The following KLF15 variants were observed in gnomAD, a reference collection of about 807,000 sequenced individuals.
KLF15 encodes the protein Krueppel-like factor 15.
A neutral mutation model predicts 24.6 loss-of-function variants in KLF15; 4 were observed. That is an observed-to-expected ratio of 0.16 (90% CI 0.08 to 0.37). KLF15 has a LOEUF of 0.37. KLF15 is among the 10% of genes least tolerant of loss of function. The probability of loss-of-function intolerance (pLI) is 1.00; values close to 1 mark genes in which losing one functional copy is unlikely to be tolerated. For synonymous variants in KLF15, 246 were observed against 236.3 expected (o/e 1.04, Z -0.37); for missense variants, 496 against 560.6 (o/e 0.88, Z 1.16).
chr3:126,299,219 TA>T, the KLF15 span, among the ~76,000 whole-genome samples: 1 of 152,012 alleles, frequency 6.6e-6, no homozygotes, highest in Non-Finnish European at 1.5e-5. Flanking sequence ...TGTATGTATG[TA>T]TGTATGTATG....
chr3:126,337,603 G>A, the KLF15 span, among the ~76,000 whole-genome samples: 1 of 151,952 alleles, frequency 6.6e-6, no homozygotes, highest in Non-Finnish European at 1.5e-5. Flanking sequence ...TGGGAAGAGT[G>A]CTGTATTCGT....
At position 126,343,793 on chromosome 3, in the gene KLF15, G is replaced by A. The variant is rs1241087025; in HGVS notation, c.1185C>T (p.His395=). The A allele has an allele frequency of 1.2e-6, 2 of 1,612,048 alleles. No individual in the cohort carries two copies. Among genetic ancestry groups the A allele is most frequent in the South Asian group, 1.1e-5 (1 of 91,014 alleles). ...GGTGCACCTTGATGTGCTTGGAGAG[G>A]TGGTCGCTCCGCGCGAACTTCTTCT... The part of the protein sequence containing the change: ...VCEKKFARSD[H]LSKHIKVHRF... Residue 395 remains histidine, a synonymous_variant, in exon 3 of 3, where the codon CAC becomes CAT. Coordinates refer to ENST00000296233, the MANE Select transcript of KLF15 (RefSeq NM_014079.4).
At chr3:126,316,947 C>T in the KLF15 span, among the ~76,000 whole-genome samples, 1 of 152,158 alleles carries the variant, frequency 6.6e-6, no homozygotes, top group South Asian at 2.1e-4. Context: ...AGATGGAGAC[C>T]TTTGCAAGCT....
rs991981201 is a variant in KLF15, at chr3:126,348,634, T to C, written c.1082+3207A>G. On this transcript the variant is annotated intron_variant, in intron 2 of 2. Coordinates refer to ENST00000296233, the MANE Select transcript of KLF15 (RefSeq NM_014079.4). ...AGGCAGTTACAAGGACCTGATGAGC[T>C]AATGCGAAAACCTTAAGCTGTCACT... 3.9e-5 allele frequency among the ~76,000 whole-genome samples: 6 copies of C among 152,342 alleles called. No homozygotes were observed. The East Asian group carries it at 1.2e-3, about 29-fold the overall frequency.
chr3:126,321,616 C>G, the KLF15 span, among the ~76,000 whole-genome samples: 4 of 152,240 alleles, frequency 2.6e-5, no homozygotes, highest in African/African-American at 2.4e-5. Flanking sequence ...ATGGACAGAA[C>G]CCTGGAGGCC....
the KLF15 span, among the ~76,000 whole-genome samples, chr3:126,322,569 C>T: frequency 1.3e-5 from 2 of 152,238 alleles, no homozygotes; most frequent in South Asian, 2.1e-4. Flanking sequence ...TTAATCACAT[C>T]CACGAAGGAA....
the KLF15 span, among the ~76,000 whole-genome samples, chr3:126,292,245 TGGGAAGA>T: frequency 6.6e-6 from 1 of 152,038 alleles, no homozygotes; most frequent in Non-Finnish European, 1.5e-5. Flanking sequence ...CATTAACAGG[TGGGAAGA>T]GTTCCACCAC....
At chr3:126,304,087 A>G in the KLF15 span, among the ~76,000 whole-genome samples, 1 of 152,168 alleles carries the variant, frequency 6.6e-6, no homozygotes, top group African/African-American at 2.4e-5. Context: ...AGTAACGGTC[A>G]TATTTTTCTG....
downstream of KLF15, among the ~76,000 whole-genome samples, chr3:126,342,219 G>A (rs1421434125): frequency 1.3e-5 from 2 of 152,222 alleles, no homozygotes; most frequent in Non-Finnish European, 2.9e-5. Context: ...TCCTAAGGGG[G>A]TAAATACTCT....
downstream of KLF15, among the ~76,000 whole-genome samples, chr3:126,339,719 A>G (rs531769025): frequency 6.6e-6 from 1 of 152,106 alleles, no homozygotes; most frequent in African/African-American, 2.4e-5. Context: ...CACAAGGAAA[A>G]TGACAATTTT....
chr3:126,320,973 A>T, the KLF15 span, among the ~76,000 whole-genome samples: 3 of 152,074 alleles, frequency 2.0e-5, no homozygotes, highest in East Asian at 5.8e-4. Context: ...TCAGTCCCGG[A>T]AAGGTGGCAG....
At chr3:126,350,286 C>T (rs2082572595) in intron 2 of KLF15, among the ~76,000 whole-genome samples, 1 of 152,224 alleles carries the variant, frequency 6.6e-6, no homozygotes, top group African/African-American at 2.4e-5. Context: ...CTCGGCAGGC[C>T]TAGGTACAAA....
chr3:126,336,319 T>C, the KLF15 span, among the ~76,000 whole-genome samples: 2 of 120,380 alleles, frequency 1.7e-5, no homozygotes, highest in Non-Finnish European at 1.7e-5. Context: ...AAACAAGCAA[T>C]GGGGAAAGGA....
chr3:126,339,794 C>A (rs13077029), downstream of KLF15, among the ~76,000 whole-genome samples: 16,033 of 152,234 alleles, frequency 0.11, 877 homozygotes, highest in Middle Eastern at 0.17. Context: ...CTCTCACGGC[C>A]CCACATAGAC....
rs1033970636 is a variant in KLF15 at position 126,343,359 on chromosome 3, G to C, written c.*368C>G. 1 of 263,994 alleles carries C rather than the reference G, an allele frequency of 3.8e-6. No homozygotes were observed. The highest frequency in any genetic ancestry group is 2.3e-5 in the African/African-American group (1 of 43,574). The allele number at this position is 263,994 out of a possible 1,614,324, so 16.4% of individuals were successfully genotyped here. A position where few individuals can be genotyped will look rare whatever the true frequency, so the allele number is the denominator to read the frequency against. On this transcript the variant is annotated 3_prime_UTR_variant, in exon 3 of 3. Coordinates refer to ENST00000296233, the MANE Select transcript of KLF15 (RefSeq NM_014079.4). Reference sequence around the variant, plus strand: ...CATTTCATCTTCCCCTAGCACTAAAGTTCTGGCCTTGGCCCAGGATGGGGG... The same window carrying C: ...CATTTCATCTTCCCCTAGCACTAAACTTCTGGCCTTGGCCCAGGATGGGGG...
the KLF15 span, among the ~76,000 whole-genome samples, chr3:126,323,089 A>G: frequency 1.3e-5 from 2 of 151,294 alleles, no homozygotes; most frequent in Non-Finnish European, 2.9e-5. Context: ...ACACTTTTTA[A>G]AACTTTTTAT....
the KLF15 span, among the ~76,000 whole-genome samples, chr3:126,304,546 T>C: frequency 3.3e-5 from 5 of 152,378 alleles, no homozygotes; most frequent in African/African-American, 1.2e-4. Context: ...TTCAGGGTTC[T>C]CTTCTTGTGT....
the KLF15 span, among the ~76,000 whole-genome samples, chr3:126,319,544 T>C: frequency 1.3e-5 from 2 of 152,256 alleles, no homozygotes; most frequent in Admixed American, 1.3e-4. Flanking sequence ...TCTTTTCATA[T>C]GCATATTTGC....
chr3:126,323,410 T>TATATAAC, the KLF15 span, among the ~76,000 whole-genome samples: 4 of 33,184 alleles, frequency 1.2e-4, no homozygotes, highest in African/African-American at 8.0e-4. Flanking sequence ...TAGTTATATA[T>TATATAAC]ATATATATAT....
Sources: allele counts gnomAD v4.1 joint callset (sites outside exome capture counted in the v4.1 genomes callset), GRCh38; gene constraint gnomAD v4.1.1; transcripts MANE v1.5; gene names NCBI Gene and HGNC (gene_info 2026-07-23, HGNC 2026-07-21).